Variants in IPO8 observed in about 807,000 individuals in gnomAD.
IPO8 encodes importin 8.
Under a neutral mutation model 141.2 loss-of-function variants are expected in IPO8, and 65 were observed. That is an observed-to-expected ratio of 0.46 (90% CI 0.38 to 0.57). IPO8 has a LOEUF of 0.57. Ranked by LOEUF, IPO8 falls within the 20% of genes least tolerant of loss-of-function variation. The pLI is 0.00. For synonymous variants in IPO8, 411 were observed against 420.3 expected (o/e 0.98, Z 0.27); for missense variants, 980 against 1,246.8 (o/e 0.79, Z 3.22).
Position 30,682,607 on chromosome 12 carries a change from G to C in IPO8, c.324-790C>G, listed in dbSNP as rs117261883. ...TAACTGGAACTGAAAAGAAAATAGG[G>C]GGAAAAATTTCTTTTCTATAAACTA... On this transcript the variant is annotated intron_variant, in intron 3 of 24. Transcript: ENST00000256079. Among the ~76,000 whole-genome samples, 286 of 151,988 alleles carry C rather than the reference G, an allele frequency of 1.9e-3. 1 individual carries two copies. Among genetic ancestry groups the C allele is most frequent in the Admixed American group, 5.4e-3 (82 of 15,256 alleles).
chr12:30,654,805 A>C (rs1207543398), intron 17 of IPO8, among the ~76,000 whole-genome samples: 1 of 152,146 alleles, frequency 6.6e-6, no homozygotes, highest in Non-Finnish European at 1.5e-5. Flanking sequence ...TCCTCAAAAA[A>C]TTAAAGATAG....
intron 9 of IPO8, 138 bp downstream of exon 9, chr12:30,670,824 G>A (rs1382956590): frequency 1.6e-6 from 1 of 623,568 alleles, no homozygotes; most frequent in Non-Finnish European, 2.5e-6. Flanking sequence ...TCTGACATAG[G>A]ACTTCACTCA....
At chr12:30,663,690 G>C in intron 13 of IPO8, 36 bp from the exon 14 acceptor site, 1 of 1,460,656 alleles carries the variant, frequency 6.8e-7, no homozygotes, top group Middle Eastern at 1.8e-4. Flanking sequence ...GGAGCTATTA[G>C]GATTATAGCA....
At chr12:30,672,493 C>T (rs914473983) in intron 8 of IPO8, among the ~76,000 whole-genome samples, 1 of 152,100 alleles carries the variant, frequency 6.6e-6, no homozygotes, top group African/African-American at 2.4e-5. Flanking sequence ...GATAAGAAAA[C>T]CATTTTTAAG....
chr12:30,648,862 T>A (rs1445667401), intron 20 of IPO8, among the ~76,000 whole-genome samples: 1 of 151,650 alleles, frequency 6.6e-6, no homozygotes, highest in African/African-American at 2.4e-5. Context: ...TCTCTGAGAC[T>A]CCAACTGAGT....
intron 2 of IPO8, chr12:30,686,717 A>G (rs1275769885): frequency 1.3e-5 from 2 of 152,188 alleles, no homozygotes; most frequent in Non-Finnish European, 2.9e-5. Flanking sequence ...TCCCTATAGA[A>G]CTAGTCTTGA....
chr12:30,636,187 C>T (rs2052498107), intron 22 of IPO8, among the ~76,000 whole-genome samples: 1 of 151,984 alleles, frequency 6.6e-6, no homozygotes, highest in African/African-American at 2.4e-5. Context: ...GGGATGATGC[C>T]AGTTAAAAGT....
intron 14 of IPO8, 40 bp from the exon 15 acceptor site, chr12:30,662,527 T>G: frequency 6.7e-7 from 1 of 1,496,056 alleles, no homozygotes; most frequent in Non-Finnish European, 9.2e-7. Context: ...AAAATTACCA[T>G]GCCCAGATGA....
Position 30,695,648 on chromosome 12 carries a change from C to T in IPO8, c.-1G>A, listed in dbSNP as rs756134350. ...CCTGGATGATCCGGTTGAGGTCCATCTCCCCGGGTGGGGGCTCCGCGGCCC... is the reference window on the plus strand; with the variant it reads ...CCTGGATGATCCGGTTGAGGTCCATTTCCCCGGGTGGGGGCTCCGCGGCCC... On this transcript the variant is annotated 5_prime_UTR_variant, in exon 1 of 25. Coordinates refer to ENST00000256079, the MANE Select transcript of IPO8 (RefSeq NM_006390.4). The surrounding 1 kb of genome is among the most constrained non-coding windows in gnomAD (Gnocchi z 4.2). The T allele has an allele frequency of 2.5e-6, 4 of 1,613,572 alleles. No individual in the cohort carries two copies. The highest frequency in any genetic ancestry group is 1.7e-4 in the Middle Eastern group (1 of 6,054).
chr12:30,630,470 A>AT lies in IPO8; in HGVS notation c.*389dup, dbSNP rs2052415773. The AT allele has an allele frequency of 5.7e-6, 1 of 175,484 alleles. No homozygotes were observed. Among genetic ancestry groups the AT allele is most frequent in the African/African-American group, 2.4e-5 (1 of 42,396 alleles). 10.9% of individuals were successfully genotyped at this position (175,484 alleles called of 1,614,324 possible). A position where few individuals can be genotyped will look rare whatever the true frequency, so the allele number is the denominator to read the frequency against. The stretch of plus-strand genomic sequence containing the variant: ...AAAAAAATTGCAATGCACTCCAAAA[A>AT]TTTTTTTCTGATAATTCATGTACAA... On this transcript the variant is annotated 3_prime_UTR_variant, in exon 25 of 25. Transcript: ENST00000256079.
rs1300771901 is a variant in IPO8 at position 30,634,042 on chromosome 12, G to A, written c.2899+41C>T. 7 of 1,517,558 alleles carry A rather than the reference G, an allele frequency of 4.6e-6. No homozygotes were observed. In the Admixed American group the frequency reaches 5.3e-5, roughly 11 times the overall value. 94.0% of individuals were successfully genotyped at this position (1,517,558 alleles called of 1,614,324 possible). ...CAGGAAGAAATGAAGAAAGAGTTTA[G>A]AAAAAAAAATATCAGAAGATGTGGG... On this transcript the variant is annotated intron_variant, in intron 23 of 24. Transcript: ENST00000256079.
chr12:30,657,813 T>C (rs2052822233), intron 16 of IPO8, among the ~76,000 whole-genome samples: 1 of 152,158 alleles, frequency 6.6e-6, no homozygotes. Context: ...GTGTATAGCA[T>C]GCTATCATTT....
intron 1 of IPO8, among the ~76,000 whole-genome samples, chr12:30,693,385 A>G (rs1231004034): frequency 6.6e-6 from 1 of 152,208 alleles, no homozygotes; most frequent in Non-Finnish European, 1.5e-5. Flanking sequence ...TATAGCTCCA[A>G]ATGAGAATTT....
intron 8 of IPO8, among the ~76,000 whole-genome samples, chr12:30,672,518 C>T (rs957807448): frequency 6.6e-6 from 1 of 152,026 alleles, no homozygotes; most frequent in Non-Finnish European, 1.5e-5. Flanking sequence ...AGGAATATAT[C>T]CTTAAATAAC....
At chr12:30,655,704 C>A (rs1565498877) in intron 17 of IPO8, among the ~76,000 whole-genome samples, 1 of 152,172 alleles carries the variant, frequency 6.6e-6, no homozygotes. Flanking sequence ...TGAATAGTAT[C>A]CCACTGTTTA....
chr12:30,666,257 A>T lies in IPO8; in HGVS notation c.1145-6T>A, dbSNP rs752594289. On this transcript the variant is annotated splice_region_variant and splice_polypyrimidine_tract_variant and intron_variant, in intron 10 of 24. Coordinates refer to ENST00000256079, the MANE Select transcript of IPO8 (RefSeq NM_006390.4). The stretch of plus-strand genomic sequence containing the variant: ...AGCATAATCTTCAAAAATATCTAAG[A>T]TTTTAAAAGGTTAAAACCATGTTAG... 6.4e-7 allele frequency: 1 copy of T among 1,565,072 alleles called. No individual in the cohort carries two copies. The highest frequency in any genetic ancestry group is 8.7e-7 in the Non-Finnish European group (1 of 1,145,006).
intron 7 of IPO8, 81 bp downstream of exon 7, chr12:30,674,578 C>T (rs1480735317): frequency 1.4e-5 from 14 of 1,025,260 alleles, no homozygotes; most frequent in Non-Finnish European, 2.2e-5. Context: ...TCTTGGCTCT[C>T]GGTGGCTCTA....
intron 20 of IPO8, among the ~76,000 whole-genome samples, chr12:30,644,655 T>TTTG (rs1410285847): frequency 6.5e-5 from 9 of 138,170 alleles, no homozygotes; most frequent in East Asian, 2.3e-4. Context: ...TTTTTTTTGT[T>TTTG]TTTTTTTTTT....
chr12:30,678,494 G>A (rs536582869), intron 5 of IPO8, among the ~76,000 whole-genome samples: 3 of 152,306 alleles, frequency 2.0e-5, no homozygotes, highest in African/African-American at 7.2e-5. Flanking sequence ...GCCTAGGTAT[G>A]TAGTAGGCTA....
Sources: gnomAD v4.1 joint callset for allele counts (sites outside exome capture counted in the v4.1 genomes callset) on GRCh38, gnomAD v4.1.1 for gene constraint, Gnocchi (gnomAD v3.1) non-coding constraint, MANE v1.5 for transcripts, NCBI Gene and HGNC (gene_info 2026-07-23, HGNC 2026-07-21) for gene names.